Variants in CEP131 observed in about 807,000 individuals in gnomAD.
CEP131 encodes the protein centrosomal protein 131.
A neutral mutation model predicts 136.8 loss-of-function variants in CEP131; 99 were observed. That is an observed-to-expected ratio of 0.72 (90% CI 0.62 to 0.86). The LOEUF (loss-of-function observed/expected upper bound fraction) is 0.86. CEP131 is among the 40% of genes least tolerant of loss of function. The pLI is 0.00. For synonymous variants in CEP131, 646 were observed against 612.7 expected, an observed-to-expected ratio of 1.05 and a Z score of -0.80; for missense variants, 1,459 against 1,463.0, an observed-to-expected ratio of 1.00 and a Z score of 0.04.
intron 15 of CEP131, 141 bp downstream of exon 15, chr17:81,196,560 A>C: frequency 1.5e-6 from 2 of 1,305,724 alleles, no homozygotes. Context: ...TGGCATGGGA[A>C]AGGCTTGGAA....
At chr17:81,209,419 C>A (rs2062085026) in intron 2 of CEP131, among the ~76,000 whole-genome samples, 2 of 152,222 alleles carry the variant, frequency 1.3e-5, no homozygotes, top group Non-Finnish European at 2.9e-5. Context: ...GCACCCAGAG[C>A]GACTCTGTGG....
chr17:81,199,687 G>A lies in CEP131; in HGVS notation c.1023+32C>T, dbSNP rs1190644960. 7 of 1,604,116 alleles carry A rather than the reference G, an allele frequency of 4.4e-6. No individual in the cohort carries two copies. In the East Asian group the frequency reaches 1.6e-4, roughly 36 times the overall value. On this transcript the variant is annotated intron_variant, in intron 9 of 25. Transcript: ENST00000450824. ...CCCGCACGGTCAGGCCTGGGCCACG[G>A]TGCTGCTCAGTGGTCCCTGCGCGGT...
intron 17 of CEP131, 99 bp downstream of exon 17, chr17:81,194,771 C>CGG: frequency 1.0e-6 from 1 of 1,003,596 alleles, no homozygotes; most frequent in South Asian, 1.3e-5. Flanking sequence ...AGGAAGGTCT[C>CGG]GGACTACATG....
rs770412275 is a variant in CEP131 at position 81,189,828 on chromosome 17, C to T, written c.3184G>A (p.Ala1062Thr). The change falls in exon 26 of 26, where the codon GCC becomes ACC. Residue 1062 changes from alanine to threonine, a missense_variant. Physicochemically the swap from Ala to Thr is moderately conservative, Grantham distance 58. Around this residue, in one of 3 missense-constraint regions of CEP131, gnomAD observed 1,026 missense variants for 964.2 expected, o/e 1.06. Transcript: ENST00000450824. The stretch of plus-strand genomic sequence containing the variant: ...TCCAGCAGCTCCTCCAGGTGGTCGG[C>T]CCGCTTCACCGCAGCCTGCAGCACA... Reference protein sequence around the residue: ...RTQHEAAVKRADHLEELLEQH... With the variant: ...RTQHEAAVKRTDHLEELLEQH... 3 of 1,611,856 alleles carry T rather than the reference C, an allele frequency of 1.9e-6. No individual in the cohort carries two copies. The highest frequency in any genetic ancestry group is 1.7e-5 in the Admixed American group (1 of 60,000).
intron 20 of CEP131, 36 bp downstream of exon 20, chr17:81,192,440 C>T (rs1429344759): frequency 1.9e-6 from 3 of 1,611,856 alleles, no homozygotes; most frequent in East Asian, 2.2e-5. Context: ...CGTGCAGCCC[C>T]CTGGCCAGGC....
chr17:81,202,576 T>A (rs889698583), intron 6 of CEP131, among the ~76,000 whole-genome samples, 178 bp from the exon 7 acceptor site: 2 of 152,196 alleles, frequency 1.3e-5, no homozygotes, highest in African/African-American at 2.4e-5. Context: ...CCGTGCCACA[T>A]CCTGGCCTCT....
chr17:81,198,825 T>A, intron 11 of CEP131, 52 bp downstream of exon 11: 1 of 1,517,800 alleles, frequency 6.6e-7, no homozygotes, highest in African/African-American at 1.4e-5. Context: ...GGCACAGACA[T>A]GGCCCTTAAA....
intron 2 of CEP131, among the ~76,000 whole-genome samples, chr17:81,216,180 C>T (rs565914534): frequency 1.3e-5 from 2 of 152,072 alleles, no homozygotes; most frequent in Non-Finnish European, 2.9e-5. Flanking sequence ...ACCAACATGG[C>T]GAAACCCCGT....
intron 19 of CEP131, 51 bp downstream of exon 19, chr17:81,192,685 G>GGGGGGGGGGGGGGGGGGGGGGGCC: frequency 4.2e-6 from 2 of 478,430 alleles, no homozygotes; most frequent in Non-Finnish European, 8.1e-6. Flanking sequence ...GGGGGGAGGG[G>GGGGGGGGGGGGGGGGGGGGGGGCC]TCAGCCAGCG....
At chr17:81,197,545 G>T in intron 13 of CEP131, 167 bp downstream of exon 13, 1 of 1,062,084 alleles carries the variant, frequency 9.4e-7, no homozygotes, top group Non-Finnish European at 1.3e-6. Flanking sequence ...TGGGTACATG[G>T]TGAGGGACCA....
At chr17:81,200,305 A>G in intron 8 of CEP131, 24 bp downstream of exon 8, 2 of 1,572,154 alleles carry the variant, frequency 1.3e-6, no homozygotes, top group Admixed American at 1.7e-5. Context: ...GGGAGCATGG[A>G]GTGACTGAGA....
intron 18 of CEP131, among the ~76,000 whole-genome samples, chr17:81,193,185 G>A (rs1456315276): frequency 1.3e-5 from 2 of 152,192 alleles, no homozygotes; most frequent in African/African-American, 2.4e-5. Flanking sequence ...CATGGAGGGC[G>A]GGAGGCAGGT....
At chr17:81,200,223 G>A (rs971474598) in intron 8 of CEP131, 106 bp downstream of exon 8, 40 of 892,316 alleles carry the variant, frequency 4.5e-5, no homozygotes, top group South Asian at 4.3e-4. Flanking sequence ...CGGGGCCCAC[G>A]AGCAATCCTA....
chr17:81,217,103 G>A (rs1410209860), intron 2 of CEP131, among the ~76,000 whole-genome samples: 1 of 152,204 alleles, frequency 6.6e-6, no homozygotes. Context: ...GTGAGCTTGT[G>A]CTCTTGGGAT....
chr17:81,218,513 C>G (rs2062307547), intron 2 of CEP131, among the ~76,000 whole-genome samples: 1 of 152,270 alleles, frequency 6.6e-6, no homozygotes, highest in African/African-American at 2.4e-5. Flanking sequence ...AAGCTGGTTA[C>G]CCCTCTGCTA....
rs376410562 is a variant in CEP131, at chr17:81,194,117, G to A, written c.2130C>T (p.Pro710=). 54 of 1,537,050 alleles carry A rather than the reference G, an allele frequency of 3.5e-5. No homozygotes were observed. The highest frequency in any genetic ancestry group is 4.3e-5 in the Non-Finnish European group (49 of 1,143,338). ...GCCTTGCAATCAGCTTCTGGATCTCGGGCTCCAGACCTGGGGGCGGGGCAC... is the reference window on the plus strand; with the variant it reads ...GCCTTGCAATCAGCTTCTGGATCTCAGGCTCCAGACCTGGGGGCGGGGCAC... ...IKEVTVRGLE[P]EIQKLIARHK... Residue 710 remains proline (P), a synonymous_variant, in exon 18 of 26, where the codon CCC becomes CCT. Transcript: ENST00000450824.
chr17:81,207,299 G>T (rs759455222), intron 3 of CEP131, 60 bp from the exon 4 acceptor site: 25 of 1,497,388 alleles, frequency 1.7e-5, no homozygotes, highest in Non-Finnish European at 2.3e-5. Context: ...GCCGACGCTA[G>T]GCACACAGAC....
At chr17:81,207,095 C>A (rs2062023752) in intron 4 of CEP131, 30 bp downstream of exon 4, 1 of 1,594,196 alleles carries the variant, frequency 6.3e-7, no homozygotes. Context: ...TCACAGAGAC[C>A]AGGACGTGGG....
intron 11 of CEP131, 111 bp downstream of exon 11, chr17:81,198,765 GC>G: frequency 1.8e-6 from 2 of 1,090,602 alleles, no homozygotes; most frequent in Non-Finnish European, 2.7e-6. Context: ...AGCTTAAGTG[GC>G]CCCTAGAGCA....
Sources: gnomAD v4.1 joint callset for allele counts (sites outside exome capture counted in the v4.1 genomes callset) on GRCh38, gnomAD v4.1.1 for gene constraint, gnomAD v4.1.1 regional missense constraint, MANE v1.5 for transcripts, NCBI Gene and HGNC (gene_info 2026-07-23, HGNC 2026-07-21) for gene names.